The following FGF1 variants were observed in gnomAD, a reference collection of about 807,000 sequenced individuals.
FGF1 encodes the protein beta-endothelial cell growth factor.
Under a neutral mutation model 13.4 loss-of-function variants are expected in FGF1, and 9 were observed. The observed-to-expected ratio is 0.67, with a 90% CI of 0.40 to 1.17. The LOEUF (loss-of-function observed/expected upper bound fraction) is 1.17. Ranked by LOEUF, FGF1 falls within the 50% of genes most tolerant of loss-of-function variation. FGF1 has a pLI of 0.01. For synonymous variants in FGF1, 93 were observed against 79.0 expected, an observed-to-expected ratio of 1.18 and a Z score of -0.94; for missense variants, 156 against 192.7, an observed-to-expected ratio of 0.81 and a Z score of 1.13.
chr5:142,647,532 T>G (rs181018564), intron 1 of FGF1, among the ~76,000 whole-genome samples: 1 of 152,320 alleles, frequency 6.6e-6, no homozygotes, highest in African/African-American at 2.4e-5. Flanking sequence ...CAGTCTAATT[T>G]AAAGGGCCTC....
At chr5:142,688,028 G>T (rs1751541431), upstream of FGF1, among the ~76,000 whole-genome samples, 1 of 152,176 alleles carries the variant, frequency 6.6e-6, no homozygotes, top group Non-Finnish European at 1.5e-5. Flanking sequence ...GAATGCAAAT[G>T]CAAGTCATTA....
At chr5:142,695,978 A>G (rs1753050707) in intron 2 of FGF1, among the ~76,000 whole-genome samples, 1 of 152,164 alleles carries the variant, frequency 6.6e-6, no homozygotes, top group Non-Finnish European at 1.5e-5. Flanking sequence ...TCACAGCAGA[A>G]GAGGAGAGGG....
intron 1 of FGF1, among the ~76,000 whole-genome samples, chr5:142,664,476 A>G (rs1447995680): frequency 6.6e-6 from 1 of 152,372 alleles, no homozygotes; most frequent in African/African-American, 2.4e-5. Context: ...CGCTCCTAGC[A>G]TGGTATGGCG....
intron 1 of FGF1, among the ~76,000 whole-genome samples, chr5:142,627,486 A>G (rs1455848278): frequency 6.6e-6 from 1 of 152,254 alleles, no homozygotes; most frequent in Non-Finnish European, 1.5e-5. Flanking sequence ...ATATCCCGGC[A>G]TCTCTGGAAG....
intron 1 of FGF1, among the ~76,000 whole-genome samples, chr5:142,665,551 T>A (rs1374164132): frequency 1.3e-5 from 2 of 152,136 alleles, no homozygotes; most frequent in Non-Finnish European, 2.9e-5. Context: ...TCTCCCACCC[T>A]GGCTCACTGC....
intron 1 of FGF1, among the ~76,000 whole-genome samples, chr5:142,616,167 C>A (rs1348677647): frequency 1.3e-5 from 2 of 152,234 alleles, no homozygotes; most frequent in Non-Finnish European, 2.9e-5. Flanking sequence ...TAAATCAAGA[C>A]ACCAATTACA....
chr5:142,693,454 G>A (rs1457381984), intron 2 of FGF1, among the ~76,000 whole-genome samples: 1 of 151,966 alleles, frequency 6.6e-6, no homozygotes, highest in East Asian at 1.9e-4. Context: ...ACCACACCCG[G>A]CTAATTTTTG....
intron 1 of FGF1, among the ~76,000 whole-genome samples, chr5:142,632,873 GC>G (rs1332615443): frequency 6.6e-6 from 1 of 151,822 alleles, no homozygotes; most frequent in Non-Finnish European, 1.5e-5. Flanking sequence ...ATAGGAACAT[GC>G]AAAACTGTGT....
At chr5:142,608,920 C>G (rs1758437469) in intron 2 of FGF1, among the ~76,000 whole-genome samples, 1 of 151,828 alleles carries the variant, frequency 6.6e-6, no homozygotes, top group Non-Finnish European at 1.5e-5. Context: ...TGAGAGAACC[C>G]TGTCGCGGAG....
chr5:142,660,802 T>C (rs1769081347), intron 1 of FGF1, among the ~76,000 whole-genome samples: 1 of 152,214 alleles, frequency 6.6e-6, no homozygotes, highest in African/African-American at 2.4e-5. Flanking sequence ...CCACAGTCTA[T>C]CTGCCAGGCC....
chr5:142,667,648 G>C (rs58714878), intron 1 of FGF1, among the ~76,000 whole-genome samples: 40,375 of 151,262 alleles, frequency 0.27, 5,927 homozygotes, highest in African/African-American at 0.4. Flanking sequence ...TTAGTCCCTC[G>C]CAGGCTGATG....
At chr5:142,614,214 T>G in intron 1 of FGF1, 53 bp from the exon 2 acceptor site, 1 of 1,459,228 alleles carries the variant, frequency 6.9e-7, no homozygotes, top group Non-Finnish European at 9.5e-7. Context: ...AGGCACAAAA[T>G]GCACTTTGAA....
chr5:142,651,042 A>C (rs1182133508), intron 1 of FGF1, among the ~76,000 whole-genome samples: 1 of 152,108 alleles, frequency 6.6e-6, no homozygotes, highest in African/African-American at 2.4e-5. Flanking sequence ...ACGCAGCTTC[A>C]ATGTCTCCTC....
intron 1 of FGF1, among the ~76,000 whole-genome samples, chr5:142,679,423 T>C (rs1007961205): frequency 5.3e-5 from 8 of 152,206 alleles, no homozygotes; most frequent in African/African-American, 1.9e-4. Flanking sequence ...CCCTGCCATG[T>C]GGTTTTTCAG....
At chr5:142,680,911 C>T (rs1773592886) in intron 1 of FGF1, 1 of 152,112 alleles carries the variant, frequency 6.6e-6, no homozygotes. Context: ...ATCCTGGGTC[C>T]CTTATGAAGC....
At chr5:142,665,489 C>A (rs1770127618) in intron 1 of FGF1, among the ~76,000 whole-genome samples, 1 of 152,112 alleles carries the variant, frequency 6.6e-6, no homozygotes, top group Non-Finnish European at 1.5e-5. Context: ...CAATGAATGA[C>A]CCAGGACCTC....
intron 2 of FGF1, among the ~76,000 whole-genome samples, chr5:142,691,204 T>C (rs906640584): frequency 6.6e-6 from 1 of 152,110 alleles, no homozygotes; most frequent in Non-Finnish European, 1.5e-5. Flanking sequence ...GTGGATCACC[T>C]GAGGTTAGGA....
At chr5:142,629,677 A>G (rs1459095044) in intron 1 of FGF1, among the ~76,000 whole-genome samples, 1 of 152,000 alleles carries the variant, frequency 6.6e-6, no homozygotes, top group Non-Finnish European at 1.5e-5. Flanking sequence ...ACACAACTGT[A>G]TATGCACACT....
chr5:142,634,878 T>C (rs1283497929), intron 1 of FGF1, among the ~76,000 whole-genome samples: 1 of 152,060 alleles, frequency 6.6e-6, no homozygotes, highest in African/African-American at 2.4e-5. Flanking sequence ...TTTTTTCTTT[T>C]TTTTTTTTCC....
Sources: allele counts gnomAD v4.1 joint callset (sites outside exome capture counted in the v4.1 genomes callset), GRCh38; gene constraint gnomAD v4.1.1; transcripts MANE v1.5; gene names NCBI Gene and HGNC (gene_info 2026-07-23, HGNC 2026-07-21).